The following LYNX1 variants were observed in gnomAD, a reference collection of about 807,000 sequenced individuals.
LYNX1 encodes the protein ly-6/neurotoxin-like protein 1.
LYNX1 carries 8 observed loss-of-function variants against 8.3 expected under a neutral mutation model. That is an observed-to-expected ratio of 0.97 (90% confidence interval 0.57 to 1.74). The LOEUF is 1.74. Ranked by LOEUF, LYNX1 falls within the 40% of genes most tolerant of loss-of-function variation. The pLI is 0.00. For synonymous variants in LYNX1, 73 were observed against 67.9 expected (o/e 1.08, Z -0.37); for missense variants, 158 against 159.7 (o/e 0.99, Z 0.06).
chr8:142,776,108 G>C lies in LYNX1; in HGVS notation c.-151C>G. ...GCCTCCCGGAGCTCCTGGTCTACTGGGAGTGCTGCAACCCTGCACAGCAGG... is the reference window on the plus strand; with the variant it reads ...GCCTCCCGGAGCTCCTGGTCTACTGCGAGTGCTGCAACCCTGCACAGCAGG... On this transcript the variant is annotated 5_prime_UTR_variant, in exon 2 of 4. Transcript: ENST00000652477. 1 of 861,946 alleles carries C rather than the reference G, an allele frequency of 1.2e-6. No homozygotes were observed. The highest frequency in any genetic ancestry group is 1.8e-6 in the Non-Finnish European group (1 of 542,864). The allele number at this position is 861,946 out of a possible 1,614,324, so 53.4% of individuals were successfully genotyped here. A position where few individuals can be genotyped will look rare whatever the true frequency, so the allele number is the denominator to read the frequency against.
Position 142,772,796 on chromosome 8 carries a change from G to A in LYNX1, c.*2371C>T. On this transcript the variant is annotated 3_prime_UTR_variant, in exon 4 of 4. Coordinates refer to ENST00000652477, the MANE Select transcript of LYNX1 (RefSeq NM_177477.4). ...AGTGGGCCTGCCCAGCATTAGCTGA[G>A]TGCCTTCTGTGTGCTCTACGCCAGG... The A allele has an allele frequency of 1.0e-6, 1 of 985,682 alleles. No individual in the cohort carries two copies. The highest frequency in any genetic ancestry group is 1.2e-6 in the Non-Finnish European group (1 of 830,074). The allele number at this position is 985,682 out of a possible 1,614,324, so 61.1% of individuals were successfully genotyped here. A position where few individuals can be genotyped will look rare whatever the true frequency, so the allele number is the denominator to read the frequency against.
Position 142,775,079 on chromosome 8 carries a change from G to A in LYNX1, c.*88C>T. ...CATGGCTGAGGAGGTCGCAGGGAGT[G>A]TGGAGGGTGAGGCAGGGTGAGCTGG... On this transcript the variant is annotated 3_prime_UTR_variant, in exon 4 of 4. Coordinates refer to ENST00000652477, the MANE Select transcript of LYNX1 (RefSeq NM_177477.4). 2 of 1,509,886 alleles carry A rather than the reference G, an allele frequency of 1.3e-6. No homozygotes were observed. Among genetic ancestry groups the A allele is most frequent in the South Asian group, 1.3e-5 (1 of 77,182 alleles). 93.5% of individuals were successfully genotyped at this position (1,509,886 alleles called of 1,614,324 possible). A position where few individuals can be genotyped will look rare whatever the true frequency, so the allele number is the denominator to read the frequency against.
In LYNX1 at chr8:142,776,055, G is replaced by A; in HGVS notation, c.-98C>T. ...GCGCACAGAGGATCCAACTCAGGGT[G>A]GTGCGCAGAGGACGTGGGGCCGGCC... On this transcript the variant is annotated 5_prime_UTR_variant, in exon 2 of 4. Coordinates refer to ENST00000652477, the MANE Select transcript of LYNX1 (RefSeq NM_177477.4). 3 of 1,415,050 alleles carry A rather than the reference G, an allele frequency of 2.1e-6. No homozygotes were observed. Among genetic ancestry groups the A allele is most frequent in the Non-Finnish European group, 2.9e-6 (3 of 1,018,340 alleles). The allele number at this position is 1,415,050 out of a possible 1,614,324, so 87.7% of individuals were successfully genotyped here.
At position 142,772,316 on chromosome 8, in the gene LYNX1, C is replaced by T. The variant is rs2130096536; in HGVS notation, c.*2851G>A. The T allele has an allele frequency of 1.0e-6, 1 of 985,780 alleles. No homozygotes were observed. Among genetic ancestry groups the T allele is most frequent in the Non-Finnish European group, 1.2e-6 (1 of 830,014 alleles). The allele number at this position is 985,780 out of a possible 1,614,324, so 61.1% of individuals were successfully genotyped here. On this transcript the variant is annotated 3_prime_UTR_variant, in exon 4 of 4. Coordinates refer to ENST00000652477, the MANE Select transcript of LYNX1 (RefSeq NM_177477.4). The stretch of plus-strand genomic sequence containing the variant: ...CCCCCATGGTGCCCAGTGCCTCTCC[C>T]CCTCTCCTCTGCCACTCTGCCCTGC...
Position 142,774,834 on chromosome 8 carries a change from C to T in LYNX1, c.*333G>A. On this transcript the variant is annotated 3_prime_UTR_variant, in exon 4 of 4. Transcript: ENST00000652477. The stretch of plus-strand genomic sequence containing the variant: ...GGCAGGGGCCTCTCCTAGGGCTTCC[C>T]AGAAGGTGGGCTTGGCCACAGCTCC... 1 of 1,196,188 alleles carries T rather than the reference C, an allele frequency of 8.4e-7. No individual in the cohort carries two copies. Among genetic ancestry groups the T allele is most frequent in the Non-Finnish European group, 1.0e-6 (1 of 959,856 alleles). The allele number at this position is 1,196,188 out of a possible 1,614,324, so 74.1% of individuals were successfully genotyped here. A position where few individuals can be genotyped will look rare whatever the true frequency, so the allele number is the denominator to read the frequency against.
In LYNX1 at chr8:142,771,356, G is replaced by A. The variant is rs146300275; in HGVS notation, c.*3811C>T. 4.7e-5 allele frequency: 46 copies of A among 985,538 alleles called. No individual in the cohort carries two copies. Among genetic ancestry groups the A allele is most frequent in the African/African-American group, 2.8e-4 (16 of 57,342 alleles). The allele number at this position is 985,538 out of a possible 1,614,324, so 61.0% of individuals were successfully genotyped here. On this transcript the variant is annotated 3_prime_UTR_variant, in exon 4 of 4. Coordinates refer to ENST00000652477, the MANE Select transcript of LYNX1 (RefSeq NM_177477.4). The stretch of plus-strand genomic sequence containing the variant: ...GAGGGAGAGATGCCATCCATTCAGC[G>A]GGCACTTATGCCCACGACCAGCTGA...
chr8:142,776,137 C>T lies in LYNX1; in HGVS notation c.-164-16G>A. The T allele has an allele frequency of 1.4e-6, 1 of 699,776 alleles. No homozygotes were observed. Among genetic ancestry groups the T allele is most frequent in the East Asian group, 2.8e-5 (1 of 36,012 alleles). 43.3% of individuals were successfully genotyped at this position (699,776 alleles called of 1,614,324 possible). On this transcript the variant is annotated splice_polypyrimidine_tract_variant and intron_variant, in intron 1 of 3. Transcript: ENST00000652477. The stretch of plus-strand genomic sequence containing the variant: ...TGCTGCAACCCTGCACAGCAGGTGG[C>T]AAAGACAGGTGGTCAGTACTGGGCC...
intron 3 of LYNX1, 92 bp from the exon 4 acceptor site, chr8:142,775,455 GC>G: frequency 6.3e-7 from 1 of 1,576,486 alleles, no homozygotes; most frequent in South Asian, 1.2e-5. Context: ...TCAGGGCAGG[GC>G]CCCTCAGCCT....
Position 142,773,373 on chromosome 8 carries a change from T to C in LYNX1, c.*1794A>G. The stretch of plus-strand genomic sequence containing the variant: ...CCACTGGGGGTAGGGGCGAGGGGAG[T>C]CCAGGCCCACCCTGTGCTGGCAGCA... On this transcript the variant is annotated 3_prime_UTR_variant, in exon 4 of 4. Coordinates refer to ENST00000652477, the MANE Select transcript of LYNX1 (RefSeq NM_177477.4). 1 of 985,404 alleles carries C rather than the reference T, an allele frequency of 1.0e-6. No homozygotes were observed. Among genetic ancestry groups the C allele is most frequent in the Non-Finnish European group, 1.2e-6 (1 of 830,190 alleles). 61.0% of individuals were successfully genotyped at this position (985,404 alleles called of 1,614,324 possible).
chr8:142,772,697 A>C lies in LYNX1; in HGVS notation c.*2470T>G. 1 of 985,618 alleles carries C rather than the reference A, an allele frequency of 1.0e-6. No homozygotes were observed. The highest frequency in any genetic ancestry group is 1.2e-6 in the Non-Finnish European group (1 of 830,058). The allele number at this position is 985,618 out of a possible 1,614,324, so 61.1% of individuals were successfully genotyped here. ...CCACCTTGATGCATACAACCCGGAC[A>C]AGTTTACTGCTGTGATTTCTGCCGG... On this transcript the variant is annotated 3_prime_UTR_variant, in exon 4 of 4. Transcript: ENST00000652477.
chr8:142,772,196 T>A lies in LYNX1; in HGVS notation c.*2971A>T. ...CACTCGGGCATGTCCAGGACTCAGG[T>A]CCACACAGACAGTGGCAACAGCTAG... is the stretch of plus-strand genomic sequence containing the variant. On this transcript the variant is annotated 3_prime_UTR_variant, in exon 4 of 4. Coordinates refer to ENST00000652477, the MANE Select transcript of LYNX1 (RefSeq NM_177477.4). 2 of 985,962 alleles carry A rather than the reference T, an allele frequency of 2.0e-6. No individual in the cohort carries two copies. The highest frequency in any genetic ancestry group is 2.4e-6 in the Non-Finnish European group (2 of 830,018). The allele number at this position is 985,962 out of a possible 1,614,324, so 61.1% of individuals were successfully genotyped here.
At position 142,773,156 on chromosome 8, in the gene LYNX1, G is replaced by T. The variant is rs1277977463; in HGVS notation, c.*2011C>A. 3.9e-5 allele frequency: 38 copies of T among 985,508 alleles called. No individual in the cohort carries two copies. Among genetic ancestry groups the T allele is most frequent in the Non-Finnish European group, 4.5e-5 (37 of 830,090 alleles). 61.0% of individuals were successfully genotyped at this position (985,508 alleles called of 1,614,324 possible). ...CTCCCAGCCTCTCCCAAGGACTTAG[G>T]AGCCCAAAGCCGCCTCCCTCCCGGT... On this transcript the variant is annotated 3_prime_UTR_variant, in exon 4 of 4. Transcript: ENST00000652477.
Position 142,775,209 on chromosome 8 carries a change from G to A in LYNX1, c.309C>T (p.Ala103=), listed in dbSNP as rs1587615332. The part of the protein sequence containing the change: ...GTGLATPATL[A]LAPILLATLW... ...GGGTGGCCAGGAGGATGGGGGCCAG[G>A]GCCAGGGTGGCCGGGGTGGCAAGGC... is the stretch of plus-strand genomic sequence containing the variant. Residue 103 remains alanine (A), a synonymous_variant, in exon 4 of 4, where the codon GCC becomes GCT. Transcript: ENST00000652477. The A allele has an allele frequency of 6.2e-7, 1 of 1,612,952 alleles. No homozygotes were observed. The highest frequency in any genetic ancestry group is 2.2e-5 in the East Asian group (1 of 44,844).
Position 142,775,357 on chromosome 8 carries a change from G to C in LYNX1, c.161C>G (p.Thr54Ser), listed in dbSNP as rs753961289. 11 of 1,613,372 alleles carry C rather than the reference G, an allele frequency of 6.8e-6. No homozygotes were observed. Among genetic ancestry groups the C allele is most frequent in the Non-Finnish European group, 1.7e-6 (2 of 1,179,886 alleles). ...AYCMTTRTYY[T>S]PTRMKVSKSC... Reference sequence around the variant, plus strand: ...CTTACTGACCTTCATCCTGGTGGGGGTGTAGTCTGCAGAGGGGCGGGGCGG... The same window carrying C: ...CTTACTGACCTTCATCCTGGTGGGGCTGTAGTCTGCAGAGGGGCGGGGCGG... Residue 54 changes from threonine (T) to serine (S), a missense_variant, in exon 4 of 4, where the codon ACC (threonine) becomes AGC (serine). Thr to Ser is a moderately conservative substitution (Grantham distance 58, BLOSUM62 1). Transcript: ENST00000652477.
Position 142,775,160 on chromosome 8 carries a change from G to T in LYNX1, c.*7C>A. On this transcript the variant is annotated 3_prime_UTR_variant, in exon 4 of 4. Transcript: ENST00000652477. ...CTTTGTTCTTGAGTGGGTCTGCCTCGGGGGCTTTAGAGGAGACCCCAGAGG... is the reference window on the plus strand; with the variant it reads ...CTTTGTTCTTGAGTGGGTCTGCCTCTGGGGCTTTAGAGGAGACCCCAGAGG... The T allele has an allele frequency of 1.2e-6, 2 of 1,608,654 alleles. No homozygotes were observed. Among genetic ancestry groups the T allele is most frequent in the East Asian group, 4.5e-5 (2 of 44,670 alleles).
In LYNX1 at chr8:142,775,680, A is replaced by G; in HGVS notation, c.67T>C (p.Cys23Arg). The G allele has an allele frequency of 6.3e-7, 1 of 1,599,150 alleles. No homozygotes were observed. The highest frequency in any genetic ancestry group is 8.5e-7 in the Non-Finnish European group (1 of 1,172,910). ...MGLPLAQALD[C>R]HVCAYNGDNC... Reference sequence around the variant, plus strand: ...TCTCCGTTGTAGGCACACACGTGGCAGTCCAAGGCCTGGGCTGGGGTTGGC... The same window carrying G: ...TCTCCGTTGTAGGCACACACGTGGCGGTCCAAGGCCTGGGCTGGGGTTGGC... The change falls in exon 3 of 4, where the codon TGC becomes CGC. Residue 23 changes from cysteine (C) to arginine (R), a missense_variant. Physicochemically the swap from Cys to Arg is radical, Grantham distance 180. Coordinates refer to ENST00000652477, the MANE Select transcript of LYNX1 (RefSeq NM_177477.4).
In LYNX1 at chr8:142,775,374, G is replaced by T; in HGVS notation, c.155-11C>A. On this transcript the variant is annotated splice_polypyrimidine_tract_variant and intron_variant, in intron 3 of 3. Transcript: ENST00000652477. ...TGGTGGGGGTGTAGTCTGCAGAGGG[G>T]CGGGGCGGTGAGCCAGCTCCGCTAA... 1.2e-6 allele frequency: 2 copies of T among 1,611,258 alleles called. No individual in the cohort carries two copies. Among genetic ancestry groups the T allele is most frequent in the Non-Finnish European group, 8.5e-7 (1 of 1,178,610 alleles).
Position 142,773,622 on chromosome 8 carries a change from C to T in LYNX1, c.*1545G>A, listed in dbSNP as rs1161532250. On this transcript the variant is annotated 3_prime_UTR_variant, in exon 4 of 4. Transcript: ENST00000652477. Reference sequence around the variant, plus strand: ...CTCAGAACCAGCCCCAGGAGCAGAACGCAGGCCTGCATATAGACTCACTGC... The same window carrying T: ...CTCAGAACCAGCCCCAGGAGCAGAATGCAGGCCTGCATATAGACTCACTGC... 1.7e-5 allele frequency: 17 copies of T among 985,402 alleles called. No homozygotes were observed. The South Asian group carries it at 2.3e-4, about 14-fold the overall frequency. 61.0% of individuals were successfully genotyped at this position (985,402 alleles called of 1,614,324 possible).
rs114034813 is a variant in LYNX1, at chr8:142,775,342, T to G, written c.176A>C (p.Lys59Thr). The stretch of plus-strand genomic sequence containing the variant: ...GCGGGGCACGCAGGACTTACTGACC[T>G]TCATCCTGGTGGGGGTGTAGTCTGC... ...TRTYYTPTRMKVSKSCVPRCF... is the reference protein window; with the variant it reads ...TRTYYTPTRMTVSKSCVPRCF... The change falls in exon 4 of 4, where the codon AAG (lysine) becomes ACG (threonine). Residue 59 changes from lysine to threonine, a missense_variant. Coordinates refer to ENST00000652477, the MANE Select transcript of LYNX1 (RefSeq NM_177477.4). 1 of 1,613,760 alleles carries G rather than the reference T, an allele frequency of 6.2e-7. No individual in the cohort carries two copies. Among genetic ancestry groups the G allele is most frequent in the Non-Finnish European group, 8.5e-7 (1 of 1,179,948 alleles).
Sources: gnomAD v4.1 joint callset for allele counts on GRCh38, gnomAD v4.1.1 for gene constraint, MANE v1.5 for transcripts, NCBI Gene and HGNC (gene_info 2026-07-23, HGNC 2026-07-21) for gene names.